CRACDL: variants seen among roughly 807,000 people sequenced by gnomAD.
CRACDL encodes the protein CRACD like, also known as CRACD-like protein.
Under a neutral mutation model 70.6 loss-of-function variants are expected in CRACDL, and 26 were observed. That is an observed-to-expected ratio of 0.37 (90% CI 0.27 to 0.51). CRACDL has a LOEUF of 0.51. CRACDL is among the 20% of genes least tolerant of loss of function. CRACDL has a pLI of 0.94. For synonymous variants in CRACDL, 618 were observed against 615.2 expected (o/e 1.00, Z -0.07); for missense variants, 1,283 against 1,376.9 (o/e 0.93, Z 1.08).
chr2:98,822,249 G>T lies in CRACDL; in HGVS notation c.2024C>A (p.Pro675Gln). Residue 675 changes from proline to glutamine, a missense_variant, in exon 7 of 10, where the codon CCG becomes CAG. This residue lies in a region of CRACDL where 921 missense variants were observed against 881.9 expected (regional missense o/e 1.04). Coordinates refer to ENST00000397899, the MANE Select transcript of CRACDL (RefSeq NM_207362.3). This position sits in a 1 kb window ranked among gnomAD's most constrained non-coding sequence, Gnocchi z 4.9. Reference sequence around the variant, plus strand: ...GGGGAAGGGGTTTCTGTCCTCACTCGGGGCCGGCTCCTGGGCGGCTGGGCA... The same window carrying T: ...GGGGAAGGGGTTTCTGTCCTCACTCTGGGCCGGCTCCTGGGCGGCTGGGCA... ...EPCPAAQEPA[P>Q]SEDRNPFPVK... The T allele has an allele frequency of 6.3e-7, 1 of 1,598,234 alleles. No individual in the cohort carries two copies. The highest frequency in any genetic ancestry group is 8.5e-7 in the Non-Finnish European group (1 of 1,177,494).
At chr2:98,886,109 A>G (rs1707790626) in intron 1 of CRACDL, among the ~76,000 whole-genome samples, 1 of 152,204 alleles carries the variant, frequency 6.6e-6, no homozygotes, top group Non-Finnish European at 1.5e-5. Flanking sequence ...CAGCTTCCTA[A>G]TAACTGTATA....
At chr2:98,841,364 T>A (rs1217453785) in intron 2 of CRACDL, among the ~76,000 whole-genome samples, 4 of 152,150 alleles carry the variant, frequency 2.6e-5, no homozygotes, top group African/African-American at 7.2e-5. Context: ...TTAAAAAAAA[T>A]TCCATTTATT....
At chr2:98,815,837 G>A (rs991555657) in intron 7 of CRACDL, among the ~76,000 whole-genome samples, 1 of 152,232 alleles carries the variant, frequency 6.6e-6, no homozygotes, top group Non-Finnish European at 1.5e-5. Flanking sequence ...ATCAAGAGTT[G>A]TGCCTCACAA....
chr2:98,911,051 G>A (rs182605086), intron 1 of CRACDL, among the ~76,000 whole-genome samples: 2 of 152,338 alleles, frequency 1.3e-5, no homozygotes, highest in African/African-American at 4.8e-5. Context: ...TGGTAGGACA[G>A]TGCCAAGCAT....
intron 2 of CRACDL, among the ~76,000 whole-genome samples, chr2:98,842,076 G>C (rs1386367374): frequency 6.6e-6 from 1 of 151,764 alleles, no homozygotes; most frequent in African/African-American, 2.4e-5. Flanking sequence ...TTAAACCTGT[G>C]GGTTGGGTCA....
In CRACDL at chr2:98,797,449, C is replaced by A. The variant is rs878910435; in HGVS notation, c.2505G>T (p.Arg835Ser). ...GGTTGGGTGGCTGGTCCAAGGTCCCCCTCCGCTTCTGCCGAGTGACGGTGA... is the reference window on the plus strand; with the variant it reads ...GGTTGGGTGGCTGGTCCAAGGTCCCACTCCGCTTCTGCCGAGTGACGGTGA... Reference protein sequence around the residue: ...PWITVTRQKRRGTLDQPPNQE... With the variant: ...PWITVTRQKRSGTLDQPPNQE... Residue 835 changes from arginine to serine, a missense_variant, in exon 8 of 10, where the codon AGG (arginine) becomes AGT (serine). By Grantham distance (110) the Arg-to-Ser change is moderately radical. Around this residue, in one of 2 missense-constraint regions of CRACDL, gnomAD observed 921 missense variants for 881.9 expected, o/e 1.04. Transcript: ENST00000397899. The A allele has an allele frequency of 6.2e-7, 1 of 1,614,236 alleles. No individual in the cohort carries two copies. Among genetic ancestry groups the A allele is most frequent in the East Asian group, 2.2e-5 (1 of 44,878 alleles).
At chr2:98,861,343 A>C (rs969875844) in intron 1 of CRACDL, among the ~76,000 whole-genome samples, 1 of 152,038 alleles carries the variant, frequency 6.6e-6, no homozygotes, top group African/African-American at 2.4e-5. Context: ...CAGGTCTCAA[A>C]AACAACAACA....
chr2:98,796,388 G>C, intron 8 of CRACDL, 124 bp from the exon 9 acceptor site: 1 of 954,272 alleles, frequency 1.0e-6, no homozygotes, highest in Middle Eastern at 3.2e-4. Flanking sequence ...ACTTTCTCGG[G>C]AGGGCGCCCT....
intron 7 of CRACDL, among the ~76,000 whole-genome samples, chr2:98,812,997 A>T (rs1172685919): frequency 6.6e-6 from 1 of 152,150 alleles, no homozygotes; most frequent in Non-Finnish European, 1.5e-5. Flanking sequence ...TTCATTTTAC[A>T]TTTAAGTCCA....
chr2:98,899,951 A>G (rs1197817796), intron 1 of CRACDL, among the ~76,000 whole-genome samples: 3 of 113,770 alleles, frequency 2.6e-5, no homozygotes, highest in African/African-American at 3.5e-5. Context: ...GGGGAGGCAG[A>G]TGGACAGAGG....
intron 1 of CRACDL, among the ~76,000 whole-genome samples, chr2:98,892,137 T>C (rs1345599839): frequency 6.6e-6 from 1 of 152,160 alleles, no homozygotes; most frequent in South Asian, 2.1e-4. Context: ...GCAATTTCTA[T>C]CAAAATCTTA....
chr2:98,845,200 CTTT>C (rs34635348), intron 2 of CRACDL, among the ~76,000 whole-genome samples: 5 of 57,614 alleles, frequency 8.7e-5, no homozygotes, highest in East Asian at 3.7e-4. Flanking sequence ...TCTTCTTCTT[CTTT>C]TTTTTTTTTT....
intron 1 of CRACDL, among the ~76,000 whole-genome samples, chr2:98,854,767 G>A (rs193150647): frequency 6.6e-6 from 1 of 152,294 alleles, no homozygotes; most frequent in Admixed American, 6.5e-5. Flanking sequence ...GAGACATTCT[G>A]TAAAATAACT....
intron 3 of CRACDL, 76 bp from the exon 4 acceptor site, chr2:98,833,073 A>G (rs6711022): frequency 0.42 from 575,571 of 1,369,298 alleles, 123,631 homozygotes; most frequent in African/African-American, 0.64. Context: ...AATGAGAAAG[A>G]GGGATGTGAG....
At chr2:98,850,506 G>A (rs182010622) in intron 1 of CRACDL, among the ~76,000 whole-genome samples, 193 of 152,298 alleles carry the variant, frequency 1.3e-3, no homozygotes, top group Admixed American at 2.1e-3. Context: ...CTCCTCACAC[G>A]AAGACAGTGC....
At chr2:98,875,076 T>G (rs1015155914) in intron 1 of CRACDL, among the ~76,000 whole-genome samples, 36 of 152,218 alleles carry the variant, frequency 2.4e-4, no homozygotes, top group African/African-American at 8.2e-4. Flanking sequence ...AAGCATCTTA[T>G]GAGATCAAAC....
chr2:98,801,834 G>C lies in CRACDL; in HGVS notation c.2417-4297C>G, dbSNP rs972521269. ...GGGAAAGCCCTTAGTGGTGTTAGTT[G>C]CTGCCACAATTGCTGCTGTTGTTAT... On this transcript the variant is annotated intron_variant, in intron 7 of 9. Coordinates refer to ENST00000397899, the MANE Select transcript of CRACDL (RefSeq NM_207362.3). Among the ~76,000 whole-genome samples the C allele has an allele frequency of 3.9e-5, 6 of 152,340 alleles. 1 individual carries two copies. Among genetic ancestry groups the C allele is most frequent in the Admixed American group, 3.3e-4 (5 of 15,310 alleles).
At chr2:98,907,649 C>T (rs1234056253) in intron 1 of CRACDL, among the ~76,000 whole-genome samples, 1 of 152,208 alleles carries the variant, frequency 6.6e-6, no homozygotes, top group Admixed American at 6.5e-5. Flanking sequence ...AGACAGAAAG[C>T]CAGAGTGAAT....
At position 98,822,177 on chromosome 2, in the gene CRACDL, G is replaced by A. The variant is rs770706677; in HGVS notation, c.2096C>T (p.Ala699Val). The A allele has an allele frequency of 3.1e-6, 5 of 1,611,214 alleles. No homozygotes were observed. Among genetic ancestry groups the A allele is most frequent in the Non-Finnish European group, 3.4e-6 (4 of 1,179,028 alleles). ...TSLSLKYRDG[A>V]SQEVKGVKRY... ...CTTCACACCCTTCACCTCCTGAGAG[G>A]CGCCATCCCTGTATTTGAGCGAGAG... Residue 699 changes from alanine (A) to valine (V), a missense_variant, in exon 7 of 10, where the codon GCC becomes GTC. Ala to Val is a moderately conservative substitution (Grantham distance 64, BLOSUM62 0). Coordinates refer to ENST00000397899, the MANE Select transcript of CRACDL (RefSeq NM_207362.3). The surrounding 1 kb of genome is among the most constrained non-coding windows in gnomAD (Gnocchi z 4.9).
Sources: gnomAD v4.1 joint callset for allele counts (sites outside exome capture counted in the v4.1 genomes callset) on GRCh38, gnomAD v4.1.1 for gene constraint, gnomAD v4.1.1 regional missense constraint, Gnocchi (gnomAD v3.1) non-coding constraint, MANE v1.5 for transcripts, NCBI Gene and HGNC (gene_info 2026-07-23, HGNC 2026-07-21) for gene names.